Variants in ITPR1 observed in about 807,000 individuals in gnomAD.
ITPR1 encodes the protein inositol 1,4,5-trisphosphate-gated calcium channel ITPR1.
A neutral mutation model predicts 318.4 loss-of-function variants in ITPR1; 96 were observed. The observed-to-expected ratio is 0.30, with a 90% CI of 0.26 to 0.36. The LOEUF is 0.36. Among genes scored for constraint, ITPR1 ranks in the 10% least tolerant of loss-of-function variants. The pLI is 1.00. For missense variants in ITPR1, 2,440 were observed against 3,460.2 expected, an observed-to-expected ratio of 0.71 and a Z score of 7.40; for synonymous variants, 1,312 against 1,289.9, an observed-to-expected ratio of 1.02 and a Z score of -0.37.
intron 26 of ITPR1, 81 bp from the exon 27 acceptor site, chr3:4,683,305 G>A: frequency 7.4e-7 from 1 of 1,360,300 alleles, no homozygotes; most frequent in South Asian, 1.2e-5. Context: ...ATGCAACTAG[G>A]TTAGGTGCAT....
intron 60 of ITPR1, chr3:4,825,929 C>T (rs765671108): frequency 7.0e-5 from 26 of 372,186 alleles, no homozygotes; most frequent in Non-Finnish European, 1.0e-4. Flanking sequence ...CAGCAGTGAC[C>T]GGAGCCACGA....
chr3:4,783,776 A>G (rs749311897), intron 50 of ITPR1, 40 bp from the exon 51 acceptor site: 46 of 1,439,028 alleles, frequency 3.2e-5, no homozygotes, highest in South Asian at 1.2e-5. Context: ...CCTGTTGTGA[A>G]GAGACACCAA....
rs58469560 is a variant in ITPR1 at position 4,737,895 on chromosome 3, A to T, written c.5544+2541A>T. Among the ~76,000 whole-genome samples, 1,400 of 152,308 alleles carry T rather than the reference A, an allele frequency of 9.2e-3. 22 individuals carry two copies. The highest frequency in any genetic ancestry group is 0.032 in the African/African-American group (1,318 of 41,560). On this transcript the variant is annotated intron_variant, in intron 44 of 61. Transcript: ENST00000649015. ...CTGTGCACATGTTTAAAACTCCGTGATCGTATCCTTTGCTGGGACACGGAT... is the reference window on the plus strand; with the variant it reads ...CTGTGCACATGTTTAAAACTCCGTGTTCGTATCCTTTGCTGGGACACGGAT...
At chr3:4,686,608 G>C (rs558890709) in intron 30 of ITPR1, among the ~76,000 whole-genome samples, 1 of 152,328 alleles carries the variant, frequency 6.6e-6, no homozygotes, top group East Asian at 1.9e-4. Flanking sequence ...CTCAAAGGAA[G>C]AATATCATGT....
At chr3:4,604,372 T>C (rs4685778) in intron 4 of ITPR1, among the ~76,000 whole-genome samples, 22,384 of 151,932 alleles carry the variant, frequency 0.15, 2,746 homozygotes, top group East Asian at 0.34. Flanking sequence ...GGCACCAAGA[T>C]GTAAAGCATG....
chr3:4,820,459 C>T (rs997911264), intron 60 of ITPR1, among the ~76,000 whole-genome samples: 3 of 152,102 alleles, frequency 2.0e-5, no homozygotes, highest in Admixed American at 6.5e-5. Flanking sequence ...CTGTCTCAAT[C>T]GTGGAGACTT....
intron 4 of ITPR1, among the ~76,000 whole-genome samples, chr3:4,559,259 CTT>C (rs1673685350): frequency 6.6e-6 from 1 of 151,942 alleles, no homozygotes; most frequent in African/African-American, 2.4e-5. Context: ...TCTTCTGAGT[CTT>C]TTAATCTTGA....
intron 44 of ITPR1, among the ~76,000 whole-genome samples, chr3:4,753,266 G>A (rs1353932175): frequency 6.6e-6 from 1 of 152,100 alleles, no homozygotes; most frequent in Non-Finnish European, 1.5e-5. Context: ...TGGATGAGGT[G>A]ATCTCTGTGG....
At chr3:4,733,264 G>A in intron 43 of ITPR1, 44 bp downstream of exon 43, 2 of 1,602,350 alleles carry the variant, frequency 1.2e-6, no homozygotes, top group Non-Finnish European at 1.7e-6. Context: ...AATCAAGTGT[G>A]TTCTGTGATA....
At position 4,847,404 on chromosome 3, in the gene ITPR1, A is replaced by AAC. The variant is rs1161674795; in HGVS notation, c.*1180_*1181insCA. 1 of 152,348 alleles carries AAC rather than the reference A, an allele frequency of 6.6e-6. No individual in the cohort carries two copies. The highest frequency in any genetic ancestry group is 1.5e-5 in the Non-Finnish European group (1 of 67,980). The allele number at this position is 152,348 out of a possible 1,614,324, so 9.4% of individuals were successfully genotyped here. On this transcript the variant is annotated 3_prime_UTR_variant, in exon 62 of 62. Transcript: ENST00000649015. The stretch of plus-strand genomic sequence containing the variant: ...CAAGAGAATCTCTCTGCAAAAAAAA[A>AAC]AAAAACAGTTTAAAAATGCATTGAA...
rs545452257 is a variant in ITPR1 at position 4,761,271 on chromosome 3, G to A, written c.5545-5259G>A. On this transcript the variant is annotated intron_variant, in intron 44 of 61. Coordinates refer to ENST00000649015, the MANE Select transcript of ITPR1 (RefSeq NM_001378452.1). ...CAAGAGTTTTGCAGCCCTTGCCCCC[G>A]CCCAGGCACTCCCCACTGTCTGTTG... 6.2e-4 allele frequency among the ~76,000 whole-genome samples: 95 copies of A among 152,118 alleles called. 4 individuals are homozygous for A. Among genetic ancestry groups the A allele is most frequent in the Non-Finnish European group, 2.9e-4 (20 of 67,990 alleles).
chr3:4,607,803 AC>A (rs200940597), intron 4 of ITPR1, among the ~76,000 whole-genome samples: 1 of 151,956 alleles, frequency 6.6e-6, no homozygotes, highest in African/African-American at 2.4e-5. Flanking sequence ...CAGATTTGCA[AC>A]AAAACTTGAA....
intron 4 of ITPR1, among the ~76,000 whole-genome samples, chr3:4,600,840 G>A (rs528048357): frequency 1.2e-3 from 181 of 152,122 alleles, no homozygotes; most frequent in Non-Finnish European, 2.1e-3. Context: ...AGACAATGCA[G>A]GAATGGAGAA....
chr3:4,724,886 G>A (rs1414239683), intron 40 of ITPR1, among the ~76,000 whole-genome samples: 1 of 152,164 alleles, frequency 6.6e-6, no homozygotes, highest in East Asian at 1.9e-4. Flanking sequence ...AGGAAACCCA[G>A]ACCATGAAGC....
intron 47 of ITPR1, among the ~76,000 whole-genome samples, chr3:4,776,402 A>T (rs1051157658): frequency 6.6e-6 from 1 of 152,160 alleles, no homozygotes; most frequent in Non-Finnish European, 1.5e-5. Flanking sequence ...TTATAGCTTC[A>T]TCCTAACTGG....
intron 4 of ITPR1, among the ~76,000 whole-genome samples, chr3:4,622,209 G>A (rs1171822685): frequency 3.3e-5 from 5 of 150,924 alleles, no homozygotes; most frequent in African/African-American, 1.2e-4. Flanking sequence ...CTGCCTCCTG[G>A]GTTCAAACGA....
At chr3:4,631,995 C>A (rs187531793) in intron 5 of ITPR1, among the ~76,000 whole-genome samples, 3 of 152,198 alleles carry the variant, frequency 2.0e-5, no homozygotes, top group East Asian at 1.9e-4. Flanking sequence ...GCTGGACATA[C>A]AATTGTATGG....
chr3:4,643,342 A>G (rs1474653259), intron 7 of ITPR1, among the ~76,000 whole-genome samples: 1 of 152,218 alleles, frequency 6.6e-6, no homozygotes, highest in Non-Finnish European at 1.5e-5. Context: ...ATAAAAGACA[A>G]GTGTGCCTTG....
At chr3:4,734,152 A>C (rs185008942) in intron 43 of ITPR1, among the ~76,000 whole-genome samples, 3 of 152,362 alleles carry the variant, frequency 2.0e-5, no homozygotes, top group Admixed American at 6.5e-5. Flanking sequence ...GTGAAGATGC[A>C]GTTCTCAAGG....
Sources: allele counts gnomAD v4.1 joint callset (sites outside exome capture counted in the v4.1 genomes callset), GRCh38; gene constraint gnomAD v4.1.1; transcripts MANE v1.5; gene names NCBI Gene and HGNC (gene_info 2026-07-23, HGNC 2026-07-21).